TEX11: variants seen among roughly 807,000 people sequenced by gnomAD.
TEX11 encodes testis-expressed protein 11.
In TEX11, 7 loss-of-function variants were observed where a neutral mutation model predicts 84.4. The ratio of observed to expected loss-of-function variants is 0.08; its 90% CI spans 0.05 to 0.16. TEX11 has a LOEUF of 0.16. Ranked by LOEUF, TEX11 falls within the 10% of genes least tolerant of loss-of-function variation. The probability of loss-of-function intolerance (pLI) is 1.00; values close to 1 mark genes in which losing one functional copy is unlikely to be tolerated. For synonymous variants in TEX11, 264 were observed against 222.8 expected (o/e 1.18, Z -1.64); for missense variants, 551 against 660.5 (o/e 0.83, Z 1.82).
chrX:70,762,043 A>G (rs1436154804), intron 9 of TEX11, among the ~76,000 whole-genome samples: 1 of 112,190 alleles, frequency 8.9e-6, no homozygotes, highest in African/African-American at 3.2e-5. Flanking sequence ...TTATCCTAAA[A>G]TAGTATATCC....
intron 17 of TEX11, among the ~76,000 whole-genome samples, chrX:70,635,407 G>A (rs751864831): frequency 9.0e-6 from 1 of 111,444 alleles, no homozygotes; most frequent in Non-Finnish European, 1.9e-5. Flanking sequence ...AGACCTGCCC[G>A]AAGGACTTGA....
chrX:70,640,498 A>T (rs751723956), intron 17 of TEX11, among the ~76,000 whole-genome samples: 87 of 110,597 alleles, frequency 7.9e-4, no homozygotes, highest in African/African-American at 2.6e-3. Flanking sequence ...TGAAGGAAAA[A>T]ATGTTAAGTG....
rs149637142 is a variant in TEX11 at position 70,818,491 on chromosome X, G to C, written c.607-11701C>G. ...CTATGAGTTCCAAAGTGAAGGAAAA[G>C]GAGAACAGGAAAATTCCAGAAGCCT... On this transcript the variant is annotated intron_variant, in intron 8 of 29. Coordinates refer to ENST00000374333, the MANE Select transcript of TEX11 (RefSeq NM_031276.3). Among the ~76,000 whole-genome samples the C allele has an allele frequency of 9.0e-3, 1,000 of 110,650 alleles. 47 individuals are homozygous for C. The South Asian group carries it at 0.16, about 18-fold the overall frequency.
intron 15 of TEX11, among the ~76,000 whole-genome samples, chrX:70,677,466 T>C: frequency 8.9e-6 from 1 of 112,188 alleles, no homozygotes; most frequent in Non-Finnish European, 1.9e-5. Context: ...TTTTGCTTCA[T>C]GTATGTCCTG....
At chrX:70,525,731 T>A (rs1305424370), downstream of TEX11, among the ~76,000 whole-genome samples, 1 of 112,434 alleles carries the variant, frequency 8.9e-6, no homozygotes, top group African/African-American at 3.2e-5. Flanking sequence ...CAAATGTATT[T>A]ATTTTAAGCT....
intron 13 of TEX11, among the ~76,000 whole-genome samples, chrX:70,711,507 T>G (rs1486244271): frequency 2.1e-4 from 23 of 111,286 alleles, no homozygotes; most frequent in Admixed American, 1.7e-3. Flanking sequence ...GGTATCTCAT[T>G]GTGGTTTTGA....
chrX:70,702,915 T>C (rs2090337979), intron 13 of TEX11, among the ~76,000 whole-genome samples: 2 of 111,699 alleles, frequency 1.8e-5, no homozygotes, highest in African/African-American at 6.5e-5. Context: ...AGGTTTATTG[T>C]CCACTACGTA....
intron 2 of TEX11, among the ~76,000 whole-genome samples, chrX:70,905,779 C>T (rs1192077208): frequency 9.2e-6 from 1 of 108,597 alleles, no homozygotes; most frequent in East Asian, 2.8e-4. Context: ...CAGCCTGGCA[C>T]AGTGACTCAC....
chrX:70,744,193 T>C lies in TEX11; in HGVS notation c.719A>G (p.Asp240Gly), dbSNP rs751491935. Residue 240 changes from aspartate to glycine, a missense_variant, in exon 10 of 30, where the codon GAT becomes GGT. Transcript: ENST00000374333. ...LSQSYDIGKM[D>G]KKSTGPEMLA... ...CATTTCTGGCCCAGTAGATTTCTTA[T>C]CCATCTTCCCAATATCATAGCTTTG... The C allele has an allele frequency of 8.7e-6, 9 of 1,037,179 alleles. No individual in the cohort carries two copies. Among genetic ancestry groups the C allele is most frequent in the Admixed American group, 6.6e-5 (2 of 30,116 alleles). 85.5% of individuals were successfully genotyped at this position (1,037,179 alleles called of 1,213,427 possible). A position where few individuals can be genotyped will look rare whatever the true frequency, so the allele number is the denominator to read the frequency against.
At chrX:70,655,678 C>T (rs967969307) in intron 16 of TEX11, among the ~76,000 whole-genome samples, 2 of 110,980 alleles carry the variant, frequency 1.8e-5, no homozygotes, top group Admixed American at 1.9e-4. Context: ...TTAAGCAAAT[C>T]TAGTCTAGGA....
intron 2 of TEX11, among the ~76,000 whole-genome samples, chrX:70,891,027 T>C (rs2091735310): frequency 8.9e-6 from 1 of 111,846 alleles, no homozygotes; most frequent in South Asian, 3.8e-4. Context: ...AAGGCAGCAA[T>C]ATTTGCTGTT....
In TEX11 at chrX:70,598,833, C is replaced by A. The variant is rs753814154; in HGVS notation, c.2067+6568G>T. Among the ~76,000 whole-genome samples, 292 of 111,898 alleles carry A rather than the reference C, an allele frequency of 2.6e-3. 2 individuals are homozygous for A. Among genetic ancestry groups the A allele is most frequent in the African/African-American group, 9.1e-3 (279 of 30,802 alleles). On this transcript the variant is annotated intron_variant, in intron 24 of 29. Transcript: ENST00000374333. ...AAATATGATGATGATGACATTTATA[C>A]GAAATATCTGGAATAGGCAAGCCTA... is the stretch of plus-strand genomic sequence containing the variant.
intron 11 of TEX11, among the ~76,000 whole-genome samples, chrX:70,726,308 A>G (rs1406044662): frequency 1.8e-5 from 2 of 111,532 alleles, no homozygotes; most frequent in Non-Finnish European, 3.8e-5. Flanking sequence ...TCATTACCAA[A>G]CAACCCCAGA....
intron 8 of TEX11, among the ~76,000 whole-genome samples, chrX:70,825,079 G>A (rs1420662339): frequency 9.0e-6 from 1 of 110,930 alleles, no homozygotes; most frequent in Non-Finnish European, 1.9e-5. Flanking sequence ...TTTAGGAGGC[G>A]GAGGCGGGCA....
At chrX:70,710,214 G>A (rs144322432) in intron 13 of TEX11, among the ~76,000 whole-genome samples, 3 of 111,226 alleles carry the variant, frequency 2.7e-5, no homozygotes, top group Non-Finnish European at 3.8e-5. Flanking sequence ...GCACCAATAC[G>A]CATAAGGAAT....
At chrX:70,899,151 GC>G (rs2091789358) in intron 2 of TEX11, among the ~76,000 whole-genome samples, 1 of 111,910 alleles carries the variant, frequency 8.9e-6, no homozygotes. Flanking sequence ...TTCAATGAAA[GC>G]CAATTATCTT....
At chrX:70,645,477 G>A (rs2089730394) in intron 17 of TEX11, among the ~76,000 whole-genome samples, 1 of 110,555 alleles carries the variant, frequency 9.0e-6, no homozygotes, top group African/African-American at 3.3e-5. Context: ...TATCTAAGTT[G>A]GAAAGGAAGA....
chrX:70,693,113 C>T (rs761538636), intron 13 of TEX11, among the ~76,000 whole-genome samples: 6 of 111,186 alleles, frequency 5.4e-5, no homozygotes, highest in Admixed American at 9.6e-5. Flanking sequence ...TGGTGGTGCA[C>T]GCCTGTAATC....
intron 4 of TEX11, among the ~76,000 whole-genome samples, chrX:70,870,774 G>C (rs1485910846): frequency 9.0e-6 from 1 of 111,695 alleles, no homozygotes; most frequent in Non-Finnish European, 1.9e-5. Context: ...TTAAATTTTG[G>C]TGTGCATGAG....
Sources: gnomAD v4.1 joint callset for allele counts (sites outside exome capture counted in the v4.1 genomes callset) on GRCh38, gnomAD v4.1.1 for gene constraint, MANE v1.5 for transcripts, NCBI Gene and HGNC (gene_info 2026-07-23, HGNC 2026-07-21) for gene names.